Variants in BTBD16 observed in about 807,000 individuals in gnomAD.
BTBD16 encodes the protein BTB/POZ domain-containing protein 16.
A neutral mutation model predicts 67.4 loss-of-function variants in BTBD16; 66 were observed. That is an observed-to-expected ratio of 0.98 (90% CI 0.80 to 1.20). The LOEUF is 1.20. Among genes scored for constraint, BTBD16 ranks in the 50% most tolerant of loss-of-function variants. The pLI is 0.00. For synonymous variants in BTBD16, 242 were observed against 236.4 expected, an observed-to-expected ratio of 1.02 and a Z score of -0.22; for missense variants, 634 against 616.0, an observed-to-expected ratio of 1.03 and a Z score of -0.31.
intron 3 of BTBD16, among the ~76,000 whole-genome samples, chr10:122,283,538 T>G (rs1468212687): frequency 1.3e-5 from 2 of 152,206 alleles, no homozygotes; most frequent in Non-Finnish European, 2.9e-5. Flanking sequence ...ACTGAGTGTC[T>G]ACTATATGCT....
intron 10 of BTBD16, among the ~76,000 whole-genome samples, chr10:122,310,638 A>G (rs10788277): frequency 0.62 from 95,022 of 152,138 alleles, 31,222 homozygotes; most frequent in East Asian, 0.89. Flanking sequence ...AGCAGACCCC[A>G]GGGGAGACAG....
chr10:122,285,702 T>C (rs2142057993), intron 4 of BTBD16, among the ~76,000 whole-genome samples: 1 of 152,284 alleles, frequency 6.6e-6, no homozygotes, highest in African/African-American at 2.4e-5. Context: ...CCAAAATGTT[T>C]ACAGTGCCGG....
Position 122,336,548 on chromosome 10 carries a change from G to C in BTBD16, c.1318G>C (p.Val440Leu), listed in dbSNP as rs200306295. 1 of 1,612,142 alleles carries C rather than the reference G, an allele frequency of 6.2e-7. No homozygotes were observed. Among genetic ancestry groups the C allele is most frequent in the Non-Finnish European group, 8.5e-7 (1 of 1,179,422 alleles). The change falls in exon 15 of 16, where the codon GTC becomes CTC. Residue 440 changes from valine (V) to leucine (L), a missense_variant. Physicochemically the swap from Val to Leu is conservative, Grantham distance 32. Coordinates refer to ENST00000260723, the MANE Select transcript of BTBD16 (RefSeq NM_144587.5). The part of the protein sequence containing the change: ...SPSAVYEHNH[V>L]SLRAARLVKY... ...CTCTGCGGTCTACGAGCACAACCAC[G>C]TCAGCCTGCGAGCGGCACGCCTGGT...
chr10:122,304,112 C>T (rs184612083), intron 9 of BTBD16, among the ~76,000 whole-genome samples: 1 of 152,268 alleles, frequency 6.6e-6, no homozygotes, highest in African/African-American at 2.4e-5. Context: ...CAAAGTTCTT[C>T]ACAGGGACAT....
At position 122,299,028 on chromosome 10, in the gene BTBD16, G is replaced by T. The variant is rs750517195; in HGVS notation, c.685G>T (p.Gly229Cys). 1.7e-5 allele frequency: 27 copies of T among 1,613,976 alleles called. No individual in the cohort carries two copies. Among genetic ancestry groups the T allele is most frequent in the Non-Finnish European group, 2.3e-5 (27 of 1,179,990 alleles). Residue 229 changes from glycine (G) to cysteine (C), a missense_variant, in exon 9 of 16, where the codon GGC (glycine) becomes TGC (cysteine). Transcript: ENST00000260723. ...CKYKEEQLTT[G>C]CEKWLEMNLV... ...GTACAAGGAAGAGCAGCTCACCACC[G>T]GCTGCGAGAAGTGGCTGGAAATGAA...
At chr10:122,325,362 A>T (rs1386316021) in intron 10 of BTBD16, among the ~76,000 whole-genome samples, 1 of 152,228 alleles carries the variant, frequency 6.6e-6, no homozygotes, top group African/African-American at 2.4e-5. Flanking sequence ...AGAGACAAGC[A>T]ATAAATCAGA....
intron 11 of BTBD16, among the ~76,000 whole-genome samples, chr10:122,330,416 A>G (rs972178706): frequency 6.6e-6 from 1 of 152,192 alleles, no homozygotes; most frequent in African/African-American, 2.4e-5. Flanking sequence ...TTTTTTTGAT[A>G]ATATTGTGAG....
At chr10:122,288,532 T>C (rs926579414) in intron 5 of BTBD16, among the ~76,000 whole-genome samples, 2 of 152,174 alleles carry the variant, frequency 1.3e-5, no homozygotes, top group East Asian at 1.9e-4. Flanking sequence ...ATGGAATCCA[T>C]GTGCTGCGTT....
intron 10 of BTBD16, among the ~76,000 whole-genome samples, chr10:122,311,476 C>T (rs912469283): frequency 6.6e-6 from 1 of 152,170 alleles, no homozygotes; most frequent in Non-Finnish European, 1.5e-5. Context: ...TTAAATTTAA[C>T]ATCTCCTTGT....
At chr10:122,311,819 C>G (rs1042096622) in intron 10 of BTBD16, among the ~76,000 whole-genome samples, 4 of 152,192 alleles carry the variant, frequency 2.6e-5, no homozygotes, top group Non-Finnish European at 5.9e-5. Context: ...CAAAAGTAAA[C>G]AGTATCCTGA....
At chr10:122,313,713 A>G (rs1430419177) in intron 10 of BTBD16, among the ~76,000 whole-genome samples, 2 of 152,154 alleles carry the variant, frequency 1.3e-5, no homozygotes, top group African/African-American at 2.4e-5. Flanking sequence ...GGGAGGGACC[A>G]TGGTCACGGT....
chr10:122,305,054 C>T (rs2096401208), intron 9 of BTBD16, among the ~76,000 whole-genome samples: 1 of 152,156 alleles, frequency 6.6e-6, no homozygotes, highest in African/African-American at 2.4e-5. Context: ...CACAGATGTC[C>T]ACATCTCACT....
chr10:122,271,523 A>C lies in BTBD16; in HGVS notation c.-43+9A>C, dbSNP rs768389106. Reference sequence around the variant, plus strand: ...AAAAGGGCTTTGGAACGGTAAGTACAATGGGTATTTTTCAGCCACTTCAGA... The same window carrying C: ...AAAAGGGCTTTGGAACGGTAAGTACCATGGGTATTTTTCAGCCACTTCAGA... On this transcript the variant is annotated intron_variant, in intron 1 of 15. Coordinates refer to ENST00000260723, the MANE Select transcript of BTBD16 (RefSeq NM_144587.5). 6.6e-6 allele frequency: 1 copy of C among 152,328 alleles called. No individual in the cohort carries two copies. Among genetic ancestry groups the C allele is most frequent in the Non-Finnish European group, 1.5e-5 (1 of 68,140 alleles). 9.4% of individuals were successfully genotyped at this position (152,328 alleles called of 1,614,324 possible).
At chr10:122,310,565 T>G (rs770774823) in intron 10 of BTBD16, among the ~76,000 whole-genome samples, 67 of 152,018 alleles carry the variant, frequency 4.4e-4, no homozygotes, top group Admixed American at 2.9e-3. Context: ...GAGCAGCTAA[T>G]CAAGGAAGCT....
At chr10:122,293,774 G>T (rs11816570) in intron 7 of BTBD16, among the ~76,000 whole-genome samples, 10,796 of 152,226 alleles carry the variant, frequency 0.071, 544 homozygotes, top group African/African-American at 0.14. Flanking sequence ...ATTTCCTGGT[G>T]CAGTCCAGGA....
intron 7 of BTBD16, among the ~76,000 whole-genome samples, chr10:122,296,221 A>G (rs11200538): frequency 0.04 from 6,129 of 152,244 alleles, 378 homozygotes; most frequent in East Asian, 0.23. Context: ...CTAATGGTCA[A>G]TGTCCTCAAG....
intron 10 of BTBD16, among the ~76,000 whole-genome samples, chr10:122,317,709 C>T (rs553525632): frequency 1.1e-4 from 16 of 152,042 alleles, no homozygotes; most frequent in Non-Finnish European, 1.6e-4. Flanking sequence ...CACAAACACA[C>T]GTATTAGCCT....
intron 3 of BTBD16, among the ~76,000 whole-genome samples, chr10:122,280,834 C>A (rs923409353): frequency 6.6e-6 from 1 of 152,052 alleles, no homozygotes; most frequent in Non-Finnish European, 1.5e-5. Context: ...TGAAACAAGT[C>A]TTGCTTTGTT....
chr10:122,291,357 T>C (rs929394490), intron 7 of BTBD16, 163 bp downstream of exon 7: 9 of 862,872 alleles, frequency 1.0e-5, no homozygotes, highest in Non-Finnish European at 1.3e-5. Context: ...GAGACACTAA[T>C]TCACACTAAC....
Sources: gnomAD v4.1 joint callset for allele counts (sites outside exome capture counted in the v4.1 genomes callset) on GRCh38, gnomAD v4.1.1 for gene constraint, MANE v1.5 for transcripts, NCBI Gene and HGNC (gene_info 2026-07-23, HGNC 2026-07-21) for gene names.